The following COQ5 variants were observed in gnomAD, a reference collection of about 807,000 sequenced individuals.
COQ5 encodes 2-methoxy-6-polyprenyl-1,4-benzoquinol methylase, mitochondrial.
COQ5 carries 27 observed loss-of-function variants against 40.5 expected under a neutral mutation model. The ratio of observed to expected loss-of-function variants is 0.67; its 90% CI spans 0.49 to 0.92. COQ5 has a LOEUF of 0.92. Among genes scored for constraint, COQ5 ranks in the 40% least tolerant of loss-of-function variants. The pLI is 0.00. For synonymous variants in COQ5, 141 were observed against 150.0 expected (o/e 0.94, Z 0.44); for missense variants, 409 against 406.4 (o/e 1.01, Z -0.06).
chr12:120,507,877 ACT>A (rs1223669663), intron 4 of COQ5, among the ~76,000 whole-genome samples: 1 of 149,908 alleles, frequency 6.7e-6, no homozygotes, highest in African/African-American at 2.4e-5. Context: ...ACAGAGTGAG[ACT>A]CTGTCTCAAA....
At chr12:120,509,023 CAAAA>C (rs55804213) in intron 4 of COQ5, among the ~76,000 whole-genome samples, 5 of 120,034 alleles carry the variant, frequency 4.2e-5, no homozygotes, top group African/African-American at 6.2e-5. Flanking sequence ...GACTCTGTCT[CAAAA>C]AAAAAAAAAA....
At chr12:120,511,717 C>T (rs990620497) in intron 3 of COQ5, among the ~76,000 whole-genome samples, 2 of 152,210 alleles carry the variant, frequency 1.3e-5, no homozygotes, top group Admixed American at 6.5e-5. Context: ...TGGCATATCA[C>T]CTCCTAGTAC....
Position 120,503,807 on chromosome 12 carries a change from T to C in COQ5, c.961A>G (p.Ile321Val). The C allele has an allele frequency of 1.2e-6, 2 of 1,614,012 alleles. No individual in the cohort carries two copies. Among genetic ancestry groups the C allele is most frequent in the Non-Finnish European group, 1.7e-6 (2 of 1,179,844 alleles). The change falls in exon 7 of 7, where the codon ATT (isoleucine) becomes GTT (valine). Residue 321 changes from isoleucine to valine, a missense_variant. Physicochemically the swap from Ile to Val is conservative, Grantham distance 29. Coordinates refer to ENST00000288532, the MANE Select transcript of COQ5 (RefSeq NM_032314.4). The stretch of plus-strand genomic sequence containing the variant: ...AATTAAAGTTTGAAGCCAGAATGAA[T>C]GGCCACAATGCCTGATGTTAGACTT... Reference protein sequence around the residue: ...YESLTSGIVAIHSGFKL With the variant: ...YESLTSGIVAVHSGFKL
chr12:120,509,423 A>G (rs1869026992), intron 4 of COQ5, among the ~76,000 whole-genome samples: 1 of 152,214 alleles, frequency 6.6e-6, no homozygotes, highest in Admixed American at 6.5e-5. Context: ...TTCCTGTAGA[A>G]AAGCCATGAA....
At position 120,522,530 on chromosome 12, in the gene COQ5, ATTGAT is replaced by A. The variant is rs763671980; in HGVS notation, c.203-172_203-168del. On this transcript the variant is annotated intron_variant, in intron 1 of 6. Transcript: ENST00000288532. ...ATCTACACCTTAACATTACCTCTTT[ATTGAT>A]TTATTTTTTTTTCCTGCCTCAGATT... is the stretch of plus-strand genomic sequence containing the variant. 111 of 678,668 alleles carry A rather than the reference ATTGAT, an allele frequency of 1.6e-4. No homozygotes were observed. The East Asian group carries it at 2.6e-3, about 16-fold the overall frequency. 42.0% of individuals were successfully genotyped at this position (678,668 alleles called of 1,614,324 possible). A position where few individuals can be genotyped will look rare whatever the true frequency, so the allele number is the denominator to read the frequency against.
At chr12:120,514,816 G>A (rs560436126) in intron 3 of COQ5, among the ~76,000 whole-genome samples, 13 of 152,094 alleles carry the variant, frequency 8.5e-5, no homozygotes, top group African/African-American at 2.4e-4. Context: ...TTGCCAGGAC[G>A]GAGTTTCTCT....
intron 4 of COQ5, among the ~76,000 whole-genome samples, chr12:120,508,499 T>G (rs1197109488): frequency 6.6e-6 from 1 of 152,020 alleles, no homozygotes; most frequent in African/African-American, 2.4e-5. Flanking sequence ...CATGCAAAAA[T>G]TACAAATAAG....
intron 5 of COQ5, chr12:120,504,640 C>A: frequency 2.1e-6 from 1 of 472,150 alleles, no homozygotes; most frequent in Non-Finnish European, 3.9e-6. Context: ...TTCTGATAAC[C>A]CACTACCATT....
chr12:120,522,537 TA>T (rs201254653), intron 1 of COQ5, 174 bp from the exon 2 acceptor site: 18,192 of 556,958 alleles, frequency 0.033, 1 homozygote, highest in Middle Eastern at 0.047. Flanking sequence ...TTTATTGATT[TA>T]TTTTTTTTTC....
At chr12:120,512,552 A>T (rs1298753023) in intron 3 of COQ5, among the ~76,000 whole-genome samples, 1 of 152,096 alleles carries the variant, frequency 6.6e-6, no homozygotes, top group Non-Finnish European at 1.5e-5. Context: ...GTGAGCTGAG[A>T]TCGTACCACT....
intron 3 of COQ5, among the ~76,000 whole-genome samples, chr12:120,511,935 G>C (rs1869152770): frequency 6.6e-6 from 1 of 152,182 alleles, no homozygotes; most frequent in African/African-American, 2.4e-5. Flanking sequence ...ATTTTGGCCG[G>C]GTGTGGTGGC....
chr12:120,514,287 G>A (rs1399017718), intron 3 of COQ5, among the ~76,000 whole-genome samples: 2 of 152,010 alleles, frequency 1.3e-5, no homozygotes, highest in African/African-American at 4.8e-5. Context: ...AGGAAGAGGA[G>A]GAAGATTTGA....
intron 5 of COQ5, 180 bp downstream of exon 5, chr12:120,504,715 A>G (rs535309355): frequency 1.5e-6 from 1 of 648,226 alleles, no homozygotes; most frequent in East Asian, 2.8e-5. Context: ...TACATATGTA[A>G]GCCAACTTGG....
chr12:120,519,590 G>A (rs967906962), intron 2 of COQ5, among the ~76,000 whole-genome samples: 8 of 151,740 alleles, frequency 5.3e-5, no homozygotes, highest in Admixed American at 1.3e-4. Flanking sequence ...TGTGGGATCC[G>A]CCAGGCGTGA....
chr12:120,505,044 G>T, intron 4 of COQ5, 61 bp from the exon 5 acceptor site: 2 of 1,347,864 alleles, frequency 1.5e-6, no homozygotes, highest in Non-Finnish European at 1.1e-6. Flanking sequence ...ATTCCATGAG[G>T]CCAAGACAGC....
chr12:120,523,146 G>A (rs561691229), intron 1 of COQ5: 2 of 271,896 alleles, frequency 7.4e-6, no homozygotes, highest in African/African-American at 4.5e-5. Context: ...AGACCATCCT[G>A]GCTAACATGG....
chr12:120,509,817 G>C, intron 4 of COQ5, 200 bp downstream of exon 4: 1 of 596,564 alleles, frequency 1.7e-6, no homozygotes, highest in Non-Finnish European at 3.1e-6. Context: ...GTGGGTTCCT[G>C]TAAGGTTCCT....
chr12:120,528,004 AAAAAAAAAAAAAAAAAAAG>A (rs1870038878), intron 1 of COQ5, among the ~76,000 whole-genome samples: 1 of 133,940 alleles, frequency 7.5e-6, no homozygotes, highest in East Asian at 2.2e-4. Context: ...AAAAAAAAAA[AAAAAAAAAAAAAAAAAAAG>A]AAACCCCGTC....
At chr12:120,523,076 T>G (rs975840752) in intron 1 of COQ5, 2 of 383,312 alleles carry the variant, frequency 5.2e-6, no homozygotes, top group Non-Finnish European at 9.3e-6. Flanking sequence ...CGGTGGCTCA[T>G]GCCTGTAATC....
Sources: allele counts gnomAD v4.1 joint callset (sites outside exome capture counted in the v4.1 genomes callset), GRCh38; gene constraint gnomAD v4.1.1; transcripts MANE v1.5; gene names NCBI Gene and HGNC (gene_info 2026-07-23, HGNC 2026-07-21).